Variants in SIGLEC15 observed in about 807,000 individuals in gnomAD.
The protein encoded by SIGLEC15 is sialic acid binding Ig like lectin 15, also known as sialic acid-binding Ig-like lectin 15.
Under a neutral mutation model 26.2 loss-of-function variants are expected in SIGLEC15, and 31 were observed. The observed-to-expected ratio is 1.18, with a 90% CI of 0.89 to 1.60. The LOEUF is 1.60. Among genes scored for constraint, SIGLEC15 ranks in the 40% most tolerant of loss-of-function variants. The pLI is 0.00. For missense variants in SIGLEC15, 501 were observed against 488.4 expected (o/e 1.03, Z -0.24); for synonymous variants, 207 against 221.9 (o/e 0.93, Z 0.60).
In SIGLEC15 at chr18:45,842,800, T is replaced by C. The variant is rs749640419; in HGVS notation, c.*613T>C. The C allele has an allele frequency of 6.5e-6, 1 of 153,084 alleles. No homozygotes were observed. The highest frequency in any genetic ancestry group is 1.9e-4 in the East Asian group (1 of 5,196). The allele number at this position is 153,084 out of a possible 1,614,324, so 9.5% of individuals were successfully genotyped here. On this transcript the variant is annotated 3_prime_UTR_variant, in exon 6 of 6. Transcript: ENST00000389474. ...CAGAACCCTCTTTGCAGAGTGACCT[T>C]TGGACGTGCAGTCAGTTCTTGGAGA...
At position 45,838,923 on chromosome 18, in the gene SIGLEC15, C is replaced by T. The variant is rs1772219753; in HGVS notation, c.702C>T (p.Arg234=). The T allele has an allele frequency of 6.2e-7, 1 of 1,604,268 alleles. No individual in the cohort carries two copies. The highest frequency in any genetic ancestry group is 1.1e-5 in the South Asian group (1 of 90,390). Reference sequence around the variant, plus strand: ...TGCCCGCACTGACCCATGACGGCCGCTACACGTGTACGGCCGCCAACAGCC... The same window carrying T: ...TGCCCGCACTGACCCATGACGGCCGTTACACGTGTACGGCCGCCAACAGCC... ...AELPALTHDG[R]YTCTAANSLG... is the part of the protein sequence containing the mutation. Residue 234 remains arginine (R), a synonymous_variant, in exon 4 of 6, where the codon CGC becomes CGT. Coordinates refer to ENST00000389474, the MANE Select transcript of SIGLEC15 (RefSeq NM_213602.3).
Position 45,839,070 on chromosome 18 carries a change from C to G in SIGLEC15, c.849C>G (p.Ala283=). ...FKALLLLGVL[A]ARAARRRPEH... is the part of the protein sequence containing the mutation. ...CGCTGCTGCTGCTCGGGGTCCTGGC[C>G]GCCCGCGCTGCCCGCCGCCGCCCAG... The change falls in exon 4 of 6, where the codon GCC becomes GCG. Residue 283 remains alanine, a synonymous_variant. Transcript: ENST00000389474. The G allele has an allele frequency of 2.1e-6, 3 of 1,455,728 alleles. No homozygotes were observed. Among genetic ancestry groups the G allele is most frequent in the Non-Finnish European group, 2.7e-6 (3 of 1,115,594 alleles). 90.2% of individuals were successfully genotyped at this position (1,455,728 alleles called of 1,614,324 possible).
chr18:45,829,162 C>T (rs1273710210), intron 1 of SIGLEC15: 6 of 985,318 alleles, frequency 6.1e-6, no homozygotes, highest in Non-Finnish European at 7.2e-6. Context: ...CAGCCTGTGG[C>T]CCTGCCTCTC....
At chr18:45,833,918 G>GA (rs146994859) in intron 1 of SIGLEC15, among the ~76,000 whole-genome samples, 8,283 of 152,076 alleles carry the variant, frequency 0.054, 440 homozygotes, top group African/African-American at 0.13. Flanking sequence ...AGGAAATATG[G>GA]AAAAAAACCC....
At chr18:45,836,888 T>C in intron 1 of SIGLEC15, 141 bp from the exon 2 acceptor site, 1 of 589,380 alleles carries the variant, frequency 1.7e-6, no homozygotes, top group Non-Finnish European at 3.1e-6. Flanking sequence ...CAGCCTCTAG[T>C]GCACTAGAAT....
intron 1 of SIGLEC15, among the ~76,000 whole-genome samples, chr18:45,836,004 C>T (rs902584499): frequency 2.6e-5 from 4 of 152,188 alleles, no homozygotes; most frequent in East Asian, 1.9e-4. Context: ...AGAACAATGG[C>T]GGTCCTGTGG....
intron 5 of SIGLEC15, among the ~76,000 whole-genome samples, 175 bp from the exon 6 acceptor site, chr18:45,841,931 T>C (rs886874921): frequency 3.9e-5 from 6 of 152,090 alleles, no homozygotes; most frequent in African/African-American, 1.4e-4. Flanking sequence ...TGGGGGCCCC[T>C]CCCTATTCCT....
Position 45,838,911 on chromosome 18 carries a change from C to T in SIGLEC15, c.690C>T (p.Thr230=), listed in dbSNP as rs1164219312. The T allele has an allele frequency of 6.2e-7, 1 of 1,602,382 alleles. No homozygotes were observed. Among genetic ancestry groups the T allele is most frequent in the Non-Finnish European group, 8.5e-7 (1 of 1,177,804 alleles). The change falls in exon 4 of 6, where the codon ACC becomes ACT. Residue 230 remains threonine, a synonymous_variant. Transcript: ENST00000389474. ...TGACCGCCGAACTGCCCGCACTGAC[C>T]CATGACGGCCGCTACACGTGTACGG... The part of the protein sequence containing the change: ...HLVTAELPAL[T]HDGRYTCTAA...
chr18:45,828,806 G>A lies in SIGLEC15; in HGVS notation c.52+3026G>A, dbSNP rs1474042724. On this transcript the variant is annotated intron_variant, in intron 1 of 5. Coordinates refer to ENST00000389474, the MANE Select transcript of SIGLEC15 (RefSeq NM_213602.3). ...TTTACTTCGCTAGTTCTGAACTGCC[G>A]CAGAAAAACAAACCCAAATGGCAAG... Among the ~76,000 whole-genome samples, 16 of 152,176 alleles carry A rather than the reference G, an allele frequency of 1.1e-4. No individual in the cohort carries two copies. The East Asian group carries it at 1.3e-3, about 13-fold the overall frequency.
Position 45,837,659 on chromosome 18 carries a change from T to A in SIGLEC15, c.259T>A (p.Tyr87Asn). The change falls in exon 3 of 6, where the codon TAT becomes AAT. Residue 87 changes from tyrosine to asparagine, a missense_variant. Coordinates refer to ENST00000389474, the MANE Select transcript of SIGLEC15 (RefSeq NM_213602.3). ...LTAIWRAGEPYAGPQVFRCAA... is the reference protein window; with the variant it reads ...LTAIWRAGEPNAGPQVFRCAA... ...GGCCATCTGGCGCGCGGGCGAGCCC[T>A]ATGCGGGCCCGCAGGTGTTCCGCTG... 6.7e-7 allele frequency: 1 copy of A among 1,502,438 alleles called. No individual in the cohort carries two copies. The highest frequency in any genetic ancestry group is 8.8e-7 in the Non-Finnish European group (1 of 1,133,684). 93.1% of individuals were successfully genotyped at this position (1,502,438 alleles called of 1,614,324 possible).
intron 2 of SIGLEC15, among the ~76,000 whole-genome samples, 163 bp downstream of exon 2, chr18:45,837,251 T>C (rs1300176209): frequency 2.6e-5 from 4 of 151,970 alleles, no homozygotes; most frequent in Non-Finnish European, 4.4e-5. Context: ...AAGAGGGGAA[T>C]AGTCCCAGGG....
At position 45,837,577 on chromosome 18, in the gene SIGLEC15, G is replaced by C; in HGVS notation, c.177G>C (p.Ala59=). 6.6e-7 allele frequency: 1 copy of C among 1,516,068 alleles called. No homozygotes were observed. Among genetic ancestry groups the C allele is most frequent in the Non-Finnish European group, 8.8e-7 (1 of 1,139,462 alleles). The allele number at this position is 1,516,068 out of a possible 1,614,324, so 93.9% of individuals were successfully genotyped here. Residue 59 remains alanine (A), a synonymous_variant, in exon 3 of 6, where the codon GCG becomes GCC. Transcript: ENST00000389474. ...AGGTGAGCGCGGAGGCAGGCGACGC[G>C]GCAGTGCTGCCCTGCACCTTCACGC... ...PPEVSAEAGD[A]AVLPCTFTHP...
chr18:45,828,319 G>C (rs1489549355), intron 1 of SIGLEC15, among the ~76,000 whole-genome samples: 1 of 152,112 alleles, frequency 6.6e-6, no homozygotes, highest in Admixed American at 6.5e-5. Flanking sequence ...CTTCATGCAG[G>C]AGACCCCCAT....
Position 45,842,311 on chromosome 18 carries a change from C to A in SIGLEC15, c.*124C>A, listed in dbSNP as rs1016401189. The A allele has an allele frequency of 7.0e-6, 7 of 1,006,666 alleles. No homozygotes were observed. The allele number at this position is 1,006,666 out of a possible 1,614,324, so 62.4% of individuals were successfully genotyped here. ...GGCAGCCCCCAGCTGGGTGGCTCCTCCCCTGCTCAAGGTCAAGACCCTGCT... is the reference window on the plus strand; with the variant it reads ...GGCAGCCCCCAGCTGGGTGGCTCCTACCCTGCTCAAGGTCAAGACCCTGCT... On this transcript the variant is annotated 3_prime_UTR_variant, in exon 6 of 6. Coordinates refer to ENST00000389474, the MANE Select transcript of SIGLEC15 (RefSeq NM_213602.3).
rs1421185188 is a variant in SIGLEC15 at position 45,838,748 on chromosome 18, T to C, written c.527T>C (p.Leu176Pro). ...CCGCGGATCGTCAACATCTCGGTGC[T>C]GCCCAGTCCGGCTCACGCCTTCCGC... The part of the protein sequence containing the change: ...AAPRIVNISV[L>P]PSPAHAFRAL... Residue 176 changes from leucine to proline, a missense_variant, in exon 4 of 6, where the codon CTG becomes CCG. Transcript: ENST00000389474. The C allele has an allele frequency of 2.5e-6, 4 of 1,583,668 alleles. No individual in the cohort carries two copies. Among genetic ancestry groups the C allele is most frequent in the Non-Finnish European group, 3.4e-6 (4 of 1,173,344 alleles).
Position 45,837,790 on chromosome 18 carries a change from G to A in SIGLEC15, c.390G>A (p.Glu130=). 6.6e-7 allele frequency: 1 copy of A among 1,523,658 alleles called. No homozygotes were observed. Among genetic ancestry groups the A allele is most frequent in the South Asian group, 1.2e-5 (1 of 83,270 alleles). 94.4% of individuals were successfully genotyped at this position (1,523,658 alleles called of 1,614,324 possible). A position where few individuals can be genotyped will look rare whatever the true frequency, so the allele number is the denominator to read the frequency against. The change falls in exon 3 of 6, where the codon GAG becomes GAA. Residue 130 remains glutamate, a synonymous_variant. Coordinates refer to ENST00000389474, the MANE Select transcript of SIGLEC15 (RefSeq NM_213602.3). ...PRRNDLSLRV[E]RLALADDRRY... is the part of the protein sequence containing the mutation. The stretch of plus-strand genomic sequence containing the variant: ...GCAACGACCTCTCGCTGCGCGTCGA[G>A]CGCCTCGCCCTGGCTGACGACCGCC...
In SIGLEC15 at chr18:45,838,746, G is replaced by A. The variant is rs1160789715; in HGVS notation, c.525G>A (p.Val175=). ...TAAPRIVNIS[V]LPSPAHAFRA... The stretch of plus-strand genomic sequence containing the variant: ...CGCCGCGGATCGTCAACATCTCGGT[G>A]CTGCCCAGTCCGGCTCACGCCTTCC... Residue 175 remains valine (V), a synonymous_variant, in exon 4 of 6, where the codon GTG becomes GTA. Coordinates refer to ENST00000389474, the MANE Select transcript of SIGLEC15 (RefSeq NM_213602.3). The A allele has an allele frequency of 7.6e-6, 12 of 1,583,238 alleles. No homozygotes were observed. Among genetic ancestry groups the A allele is most frequent in the Non-Finnish European group, 8.5e-6 (10 of 1,173,262 alleles).
At chr18:45,839,129 G>T (rs2048303598) in intron 4 of SIGLEC15, 34 bp downstream of exon 4, 2 of 1,358,854 alleles carry the variant, frequency 1.5e-6, no homozygotes, top group Middle Eastern at 2.7e-4. Context: ...GGCCGCGAGG[G>T]GCCGGGCCGG....
intron 1 of SIGLEC15, among the ~76,000 whole-genome samples, chr18:45,827,921 CT>C (rs1231396997): frequency 3.9e-5 from 6 of 152,246 alleles, no homozygotes; most frequent in South Asian, 2.1e-4. Context: ...CACACCTTCT[CT>C]GTTGAGATTA....
Sources: gnomAD v4.1 joint callset for allele counts (sites outside exome capture counted in the v4.1 genomes callset) on GRCh38, gnomAD v4.1.1 for gene constraint, MANE v1.5 for transcripts, NCBI Gene and HGNC (gene_info 2026-07-23, HGNC 2026-07-21) for gene names.